The following MMP17 variants were observed in gnomAD, a reference collection of about 807,000 sequenced individuals.
The protein encoded by MMP17 is matrix metalloproteinase-17.
A neutral mutation model predicts 49.1 loss-of-function variants in MMP17; 54 were observed. The observed-to-expected ratio is 1.10, with a 90% CI of 0.88 to 1.38. The LOEUF (loss-of-function observed/expected upper bound fraction) is 1.38. MMP17 is among the 40% of genes most tolerant of loss of function. The pLI is 0.00. For missense variants in MMP17, 837 were observed against 853.7 expected, an observed-to-expected ratio of 0.98 and a Z score of 0.24; for synonymous variants, 397 against 383.1, an observed-to-expected ratio of 1.04 and a Z score of -0.42.
rs537166567 is a variant in MMP17 at position 131,841,924 on chromosome 12, C to T, written c.883+124C>T. On this transcript the variant is annotated intron_variant, in intron 5 of 9. Transcript: ENST00000360564. ...CCGCTGTTCCCTCCACGGATGGTGCCGTGCCAGCTGGGACGCTCTGGCCTG... is the reference window on the plus strand; with the variant it reads ...CCGCTGTTCCCTCCACGGATGGTGCTGTGCCAGCTGGGACGCTCTGGCCTG... The T allele has an allele frequency of 2.1e-3, 2,381 of 1,135,872 alleles. 8 individuals carry two copies. Among genetic ancestry groups the T allele is most frequent in the Non-Finnish European group, 2.4e-3 (1,960 of 821,122 alleles). The allele number at this position is 1,135,872 out of a possible 1,614,324, so 70.4% of individuals were successfully genotyped here. A position where few individuals can be genotyped will look rare whatever the true frequency, so the allele number is the denominator to read the frequency against.
At position 131,850,074 on chromosome 12, in the gene MMP17, G is replaced by A; in HGVS notation, c.1462+15G>A. The A allele has an allele frequency of 6.3e-7, 1 of 1,598,818 alleles. No individual in the cohort carries two copies. The highest frequency in any genetic ancestry group is 8.5e-7 in the Non-Finnish European group (1 of 1,172,308). ...CTGGTCCGACGGTGAGTGCCAGCTG[G>A]GGGGACGGGCCATGCGGCCTTGGTT... On this transcript the variant is annotated intron_variant, in intron 9 of 9. Coordinates refer to ENST00000360564, the MANE Select transcript of MMP17 (RefSeq NM_016155.7).
chr12:131,848,303 C>T (rs938917360), intron 8 of MMP17, among the ~76,000 whole-genome samples: 3 of 152,170 alleles, frequency 2.0e-5, no homozygotes, highest in African/African-American at 7.2e-5. Flanking sequence ...TCAGGCTGAT[C>T]TCAAACTCCC....
At chr12:131,844,960 C>G in intron 6 of MMP17, 158 bp from the exon 7 acceptor site, 1 of 669,744 alleles carries the variant, frequency 1.5e-6, no homozygotes, top group Non-Finnish European at 2.6e-6. Flanking sequence ...ACAGGCACCC[C>G]CGTTTTAATT....
intron 2 of MMP17, 128 bp from the exon 3 acceptor site, chr12:131,838,484 A>T (rs1045184361): frequency 6.9e-7 from 1 of 1,451,968 alleles, no homozygotes; most frequent in Non-Finnish European, 9.1e-7. Context: ...TCCCCCAAAG[A>T]TGACGTGGGA....
intron 1 of MMP17, among the ~76,000 whole-genome samples, chr12:131,835,697 C>A (rs918147153): frequency 3.2e-4 from 48 of 152,304 alleles, no homozygotes; most frequent in Non-Finnish European, 5.4e-4. Flanking sequence ...CCTGTGTGGA[C>A]CCTTCCCTGG....
chr12:131,845,265 C>G (rs752389185), intron 7 of MMP17, 32 bp from the exon 8 acceptor site: 1 of 1,613,306 alleles, frequency 6.2e-7, no homozygotes, highest in South Asian at 1.1e-5. Flanking sequence ...CAGACCGTCT[C>G]TGCAGCCCGG....
rs761388129 is a variant in MMP17 at position 131,838,266 on chromosome 12, GCTGT to G, written c.234_237del (p.Ser79ArgfsTer25). On this transcript the variant is annotated frameshift_variant, in exon 2 of 10. Transcript: ENST00000360564. Reference sequence around the variant, plus strand: ...CAGGGCAGCTGCAGACGCAAGAGGAGCTGTCTAAGGCCATCACAGCCATGCAGCA... The same window carrying G: ...CAGGGCAGCTGCAGACGCAAGAGGAGCTAAGGCCATCACAGCCATGCAGCA... The G allele has an allele frequency of 9.9e-6, 16 of 1,613,188 alleles. No individual in the cohort carries two copies. Among genetic ancestry groups the G allele is most frequent in the African/African-American group, 1.3e-5 (1 of 74,956 alleles).
chr12:131,846,495 T>C lies in MMP17; in HGVS notation c.1204+1046T>C, dbSNP rs1194358056. The stretch of plus-strand genomic sequence containing the variant: ...AGGTTGCAATTCTCCTGCCTCAGCC[T>C]CCCTAGTAGCTGGGATTACAAGGTG... On this transcript the variant is annotated intron_variant, in intron 8 of 9. Coordinates refer to ENST00000360564, the MANE Select transcript of MMP17 (RefSeq NM_016155.7). This position sits in a 1 kb window ranked among gnomAD's most constrained non-coding sequence, Gnocchi z 4.6. Among the ~76,000 whole-genome samples the C allele has an allele frequency of 6.6e-6, 1 of 152,174 alleles. No homozygotes were observed.
chr12:131,845,347 C>G lies in MMP17; in HGVS notation c.1102C>G (p.Pro368Ala). Residue 368 changes from proline to alanine, a missense_variant, in exon 8 of 10, where the codon CCG (proline) becomes GCG (alanine). Coordinates refer to ENST00000360564, the MANE Select transcript of MMP17 (RefSeq NM_016155.7). ...GGACCGGCACCTGGTGTCCCTGCAG[C>G]CGGCACAGATGCACCGCTTCTGGCG... ...TRDRHLVSLQ[P>A]AQMHRFWRGL... 6.2e-7 allele frequency: 1 copy of G among 1,603,336 alleles called. No homozygotes were observed. Among genetic ancestry groups the G allele is most frequent in the Non-Finnish European group, 8.5e-7 (1 of 1,175,286 alleles).
Position 131,841,733 on chromosome 12 carries a change from C to T in MMP17, c.816C>T (p.Gly272=), listed in dbSNP as rs1355159239. The T allele has an allele frequency of 1.2e-6, 2 of 1,613,554 alleles. No homozygotes were observed. Among genetic ancestry groups the T allele is most frequent in the Non-Finnish European group, 8.5e-7 (1 of 1,179,898 alleles). The change falls in exon 5 of 10, where the codon GGC becomes GGT. Residue 272 remains glycine, a synonymous_variant. Transcript: ENST00000360564. ...AHSIMRPYYQ[G]PVGDPLRYGL... is the part of the protein sequence containing the mutation. ...CCATCATGCGGCCGTACTACCAGGG[C>T]CCGGTGGGTGACCCGCTGCGCTACG...
chr12:131,835,876 G>C (rs1203370840), intron 1 of MMP17, among the ~76,000 whole-genome samples: 2 of 152,246 alleles, frequency 1.3e-5, no homozygotes, highest in Non-Finnish European at 2.9e-5. Context: ...GGCATCTCCA[G>C]CACCTACAGC....
Position 131,841,814 on chromosome 12 carries a change from C to T in MMP17, c.883+14C>T, listed in dbSNP as rs934132410. 10 of 1,558,288 alleles carry T rather than the reference C, an allele frequency of 6.4e-6. No homozygotes were observed. The highest frequency in any genetic ancestry group is 2.7e-5 in the African/African-American group (2 of 73,690). ...GGCAGCTGTACGGTGAGTGTCTCCC[C>T]GAAGCCAGACACAGGGCCCCTGGAA... On this transcript the variant is annotated intron_variant, in intron 5 of 9. Coordinates refer to ENST00000360564, the MANE Select transcript of MMP17 (RefSeq NM_016155.7).
At chr12:131,840,452 G>A (rs940870957) in intron 3 of MMP17, 121 bp from the exon 4 acceptor site, 9 of 1,042,478 alleles carry the variant, frequency 8.6e-6, no homozygotes, top group Middle Eastern at 2.6e-4. Flanking sequence ...GGAGGAAGGC[G>A]GAAGATGGGG....
intron 8 of MMP17, among the ~76,000 whole-genome samples, chr12:131,848,330 C>T (rs916093935): frequency 2.2e-4 from 33 of 152,350 alleles, no homozygotes; most frequent in African/African-American, 7.2e-4. Context: ...AGGTGATCCA[C>T]CCACCTTGGC....
chr12:131,849,666 G>C, intron 8 of MMP17, 136 bp from the exon 9 acceptor site: 1 of 930,084 alleles, frequency 1.1e-6, no homozygotes, highest in Non-Finnish European at 1.6e-6. Context: ...GGTGATTGCA[G>C]TGTGGCCGCT....
chr12:131,835,236 C>A (rs979438759), intron 1 of MMP17, among the ~76,000 whole-genome samples: 3 of 152,254 alleles, frequency 2.0e-5, no homozygotes, highest in African/African-American at 7.2e-5. Context: ...GATTCGATGC[C>A]ATTCTATGCT....
At chr12:131,830,782 T>G (rs938510914) in intron 1 of MMP17, among the ~76,000 whole-genome samples, 1 of 152,198 alleles carries the variant, frequency 6.6e-6, no homozygotes, top group Non-Finnish European at 1.5e-5. Flanking sequence ...GCCCCCCGTA[T>G]GCACGTGAAC....
intron 8 of MMP17, 122 bp downstream of exon 8, chr12:131,845,571 A>G (rs1887666219): frequency 7.6e-7 from 1 of 1,311,414 alleles, no homozygotes; most frequent in Non-Finnish European, 1.0e-6. Flanking sequence ...TCGAGCACAG[A>G]GCAGCTGGTT....
chr12:131,847,124 A>AC (rs1325220678), intron 8 of MMP17, among the ~76,000 whole-genome samples: 2 of 149,942 alleles, frequency 1.3e-5, no homozygotes, highest in African/African-American at 5.0e-5. Context: ...AAAAAAAAAA[A>AC]CCAAAATGTC....
Sources: allele counts gnomAD v4.1 joint callset (sites outside exome capture counted in the v4.1 genomes callset), GRCh38; gene constraint gnomAD v4.1.1; non-coding constraint Gnocchi (gnomAD v3.1); transcripts MANE v1.5; gene names NCBI Gene and HGNC (gene_info 2026-07-23, HGNC 2026-07-21).